TRMT11: variants seen among roughly 807,000 people sequenced by gnomAD.
The protein encoded by TRMT11 is tRNA (guanine(10)-N(2))-methyltransferase TRMT11.
TRMT11 carries 53 observed loss-of-function variants against 62.8 expected under a neutral mutation model. The ratio of observed to expected loss-of-function variants is 0.84; its 90% CI spans 0.68 to 1.06. The LOEUF is 1.06. TRMT11 is among the 50% of genes least tolerant of loss of function. The pLI, the probability that TRMT11 is intolerant of heterozygous loss-of-function variation, is 0.00. For missense variants in TRMT11, 556 were observed against 553.4 expected (o/e 1.00, Z -0.05); for synonymous variants, 188 against 190.3 (o/e 0.99, Z 0.10).
intron 17 of TRMT11, among the ~76,000 whole-genome samples, chr6:126,098,174 T>C (rs1370498873): frequency 6.6e-6 from 1 of 152,172 alleles, no homozygotes; most frequent in Non-Finnish European, 1.5e-5. Context: ...AGGTACTTAC[T>C]GTGCTTGGCG....
chr6:126,082,357 A>T (rs1436001126), intron 17 of TRMT11, among the ~76,000 whole-genome samples: 1 of 151,902 alleles, frequency 6.6e-6, no homozygotes, highest in Non-Finnish European at 1.5e-5. Context: ...TATTTTATTA[A>T]AATACTAATA....
intron 21 of TRMT11, among the ~76,000 whole-genome samples, chr6:126,151,805 C>CTT (rs1491442970): frequency 1.8e-5 from 1 of 54,574 alleles, no homozygotes; most frequent in Non-Finnish European, 3.6e-5. Flanking sequence ...TCCTCTCTGT[C>CTT]TTTTCTTTCT....
chr6:126,032,663 A>G (rs1463828967), intron 12 of TRMT11, among the ~76,000 whole-genome samples: 1 of 152,098 alleles, frequency 6.6e-6, no homozygotes, highest in African/African-American at 2.4e-5. Flanking sequence ...TTTTCTTGCC[A>G]GTGTTTAATC....
intron 21 of TRMT11, among the ~76,000 whole-genome samples, chr6:126,138,626 AT>A (rs1400550972): frequency 2.0e-5 from 3 of 152,066 alleles, no homozygotes; most frequent in Non-Finnish European, 4.4e-5. Context: ...TAAGGCAAAT[AT>A]TTAATTTGGG....
intron 16 of TRMT11, among the ~76,000 whole-genome samples, chr6:126,048,084 C>T (rs2128103619): frequency 6.6e-6 from 1 of 152,342 alleles, no homozygotes; most frequent in Admixed American, 6.5e-5. Flanking sequence ...CTGCCTGAAA[C>T]AAAGCCCCTG....
the TRMT11 span, among the ~76,000 whole-genome samples, chr6:126,247,747 T>G: frequency 6.6e-6 from 1 of 151,410 alleles, no homozygotes; most frequent in African/African-American, 2.4e-5. Context: ...GAAGTAAAGT[T>G]TAAAGTCTTA....
At chr6:126,065,092 TCTCA>T (rs1281406205) in intron 17 of TRMT11, among the ~76,000 whole-genome samples, 1 of 152,136 alleles carries the variant, frequency 6.6e-6, no homozygotes, top group Non-Finnish European at 1.5e-5. Flanking sequence ...CCGGATAATA[TCTCA>T]CTCACAAAAC....
chr6:126,257,958 C>A, the TRMT11 span: 2 of 1,559,172 alleles, frequency 1.3e-6, no homozygotes, highest in Non-Finnish European at 8.8e-7. Flanking sequence ...CTGCATGCCC[C>A]GGATCTTGTC....
intron 1 of TRMT11, among the ~76,000 whole-genome samples, chr6:126,194,447 G>A (rs1450354649): frequency 6.6e-6 from 1 of 151,888 alleles, no homozygotes; most frequent in Non-Finnish European, 1.5e-5. Flanking sequence ...GTTTCTCCTT[G>A]TGCACTCAAC....
downstream of TRMT11, among the ~76,000 whole-genome samples, chr6:126,204,637 T>C (rs1018552053): frequency 5.3e-5 from 8 of 152,222 alleles, no homozygotes; most frequent in Admixed American, 3.9e-4. Context: ...TACAGTTTAA[T>C]ATGACAGACT....
chr6:126,240,923 C>G, the TRMT11 span, among the ~76,000 whole-genome samples: 1 of 152,366 alleles, frequency 6.6e-6, no homozygotes, highest in East Asian at 1.9e-4. Context: ...CACCCCTCCC[C>G]CAGCCTCGCT....
At chr6:126,174,469 A>G (rs1183667448), upstream of TRMT11, among the ~76,000 whole-genome samples, 1 of 152,204 alleles carries the variant, frequency 6.6e-6, no homozygotes, top group Non-Finnish European at 1.5e-5. Context: ...TACCCAAATA[A>G]TGAGGAAAAT....
chr6:125,990,493 C>G (rs1001553960), intron 1 of TRMT11, among the ~76,000 whole-genome samples: 1 of 152,056 alleles, frequency 6.6e-6, no homozygotes, highest in African/African-American at 2.4e-5. Context: ...AAGGGCTGTT[C>G]ACTCTTGCAG....
chr6:126,021,803 C>G (rs1257426056), intron 12 of TRMT11, among the ~76,000 whole-genome samples: 1 of 152,202 alleles, frequency 6.6e-6, no homozygotes, highest in Non-Finnish European at 1.5e-5. Context: ...TACTCTCTTA[C>G]ATACAAAATT....
chr6:126,205,866 C>T (rs989858206), downstream of TRMT11, among the ~76,000 whole-genome samples: 1 of 148,932 alleles, frequency 6.7e-6, no homozygotes, highest in African/African-American at 2.5e-5. Flanking sequence ...ACACAGACAA[C>T]AAGCTCAAAT....
intron 2 of TRMT11, among the ~76,000 whole-genome samples, chr6:126,199,385 C>T (rs915047028): frequency 6.6e-6 from 1 of 152,208 alleles, no homozygotes; most frequent in African/African-American, 2.4e-5. Context: ...GCTCTGCAGA[C>T]ATCTCTTTGA....
At position 126,146,933 on chromosome 6, in the gene TRMT11, TATTCTGCTTAGGGG is replaced by T. The variant is rs1777981859; in HGVS notation, c.*1824-27891_*1824-27878del. ...ATTAGACATAATGTCAAGATGCTCA[TATTCTGCTTAGGGG>T]TTAAAATACTTAGGCATTAATTACC... On this transcript the variant is annotated intron_variant and NMD_transcript_variant, in intron 21 of 22. Coordinates refer to the TRMT11 transcript ENST00000648977. Among the ~76,000 whole-genome samples the T allele has an allele frequency of 1.8e-5, 2 of 110,126 alleles. 1 individual carries two copies. Among genetic ancestry groups the T allele is most frequent in the African/African-American group, 7.1e-5 (2 of 28,086 alleles). The allele number at this position is 110,126 out of a possible 152,430, so 72.2% of individuals were successfully genotyped here.
At chr6:126,190,522 C>T (rs918722413) in intron 1 of TRMT11, among the ~76,000 whole-genome samples, 8 of 152,086 alleles carry the variant, frequency 5.3e-5, no homozygotes, top group African/African-American at 1.2e-4. Context: ...TGCAGAACTA[C>T]GAGTCAATTA....
chr6:126,087,403 GTCAAA>G (rs2128163337), intron 17 of TRMT11, among the ~76,000 whole-genome samples: 1 of 152,290 alleles, frequency 6.6e-6, no homozygotes, highest in South Asian at 2.1e-4. Context: ...GGAGGGCACA[GTCAAA>G]TCAAAGGATG....
Sources: gnomAD v4.1 joint callset for allele counts (sites outside exome capture counted in the v4.1 genomes callset) on GRCh38, gnomAD v4.1.1 for gene constraint, MANE v1.5 for transcripts, NCBI Gene and HGNC (gene_info 2026-07-23, HGNC 2026-07-21) for gene names.